MTUS2: variants seen among roughly 807,000 people sequenced by gnomAD.
The protein encoded by MTUS2 is microtubule associated scaffold protein 2.
In MTUS2, 40 loss-of-function variants were observed where a neutral mutation model predicts 114.1. The ratio of observed to expected loss-of-function variants is 0.35; its 90% CI spans 0.27 to 0.46. The LOEUF (loss-of-function observed/expected upper bound fraction) is 0.46. Ranked by LOEUF, MTUS2 falls within the 20% of genes least tolerant of loss-of-function variation. The pLI, the probability that MTUS2 is intolerant of heterozygous loss-of-function variation, is 1.00. For synonymous variants in MTUS2, 688 were observed against 672.0 expected (o/e 1.02, Z -0.37); for missense variants, 1,679 against 1,705.4 (o/e 0.98, Z 0.27).
intron 4 of MTUS2, among the ~76,000 whole-genome samples, chr13:29,065,112 G>A (rs1366026530): frequency 6.6e-6 from 1 of 152,152 alleles, no homozygotes; most frequent in African/African-American, 2.4e-5. Flanking sequence ...CTTTATGATA[G>A]AACAATTTAT....
intron 5 of MTUS2, among the ~76,000 whole-genome samples, chr13:29,221,017 A>T (rs1171331581): frequency 6.6e-6 from 1 of 152,222 alleles, no homozygotes. Context: ...CCAACAATAG[A>T]GGTGTGAATA....
At chr13:28,922,442 T>C (rs1881094867) in intron 2 of MTUS2, among the ~76,000 whole-genome samples, 1 of 152,314 alleles carries the variant, frequency 6.6e-6, no homozygotes, top group Admixed American at 6.5e-5. Flanking sequence ...TTAAGTTTAC[T>C]TAGGGTCCCA....
At chr13:28,990,678 A>G (rs1190322783) in intron 2 of MTUS2, among the ~76,000 whole-genome samples, 1 of 106,246 alleles carries the variant, frequency 9.4e-6, no homozygotes, top group Admixed American at 1.1e-4. Flanking sequence ...TGTAAAATAG[A>G]CCAATCAGCA....
At chr13:28,964,841 T>C (rs1883508696) in intron 2 of MTUS2, among the ~76,000 whole-genome samples, 1 of 151,258 alleles carries the variant, frequency 6.6e-6, no homozygotes, top group Non-Finnish European at 1.5e-5. Flanking sequence ...CGATTGCACA[T>C]TTCTGAACAG....
chr13:29,189,926 G>A (rs947435743), intron 5 of MTUS2, among the ~76,000 whole-genome samples: 1 of 152,184 alleles, frequency 6.6e-6, no homozygotes, highest in Non-Finnish European at 1.5e-5. Context: ...GCTTAAATTA[G>A]GAGATCATGA....
chr13:29,338,000 G>T (rs552837707), intron 7 of MTUS2, among the ~76,000 whole-genome samples: 7 of 148,810 alleles, frequency 4.7e-5, no homozygotes, highest in African/African-American at 1.7e-4. Context: ...ATGTTGGTTG[G>T]CCAGGATGGT....
chr13:29,444,020 G>T (rs987747281), intron 9 of MTUS2, among the ~76,000 whole-genome samples: 4 of 152,194 alleles, frequency 2.6e-5, no homozygotes, highest in Admixed American at 6.5e-5. Context: ...AAAAATTGCT[G>T]CTTAAACTGT....
intron 9 of MTUS2, among the ~76,000 whole-genome samples, chr13:29,456,304 C>T (rs1879105902): frequency 6.6e-6 from 1 of 151,998 alleles, no homozygotes; most frequent in Non-Finnish European, 1.5e-5. Context: ...ATTAGCCAAT[C>T]AGAAGAACAG....
At chr13:29,236,721 T>G (rs765848151) in intron 5 of MTUS2, among the ~76,000 whole-genome samples, 5 of 152,112 alleles carry the variant, frequency 3.3e-5, no homozygotes, top group Admixed American at 6.5e-5. Flanking sequence ...GGGTCTCCAG[T>G]GGAGGAAGAG....
chr13:28,992,375 G>A (rs2138342261), intron 2 of MTUS2, among the ~76,000 whole-genome samples: 1 of 152,322 alleles, frequency 6.6e-6, no homozygotes, highest in East Asian at 1.9e-4. Context: ...AAAGACAGCA[G>A]ATAAGAGGAC....
intron 5 of MTUS2, among the ~76,000 whole-genome samples, chr13:29,214,637 A>C (rs187159712): frequency 1.3e-5 from 2 of 152,198 alleles, no homozygotes; most frequent in East Asian, 3.9e-4. Flanking sequence ...TTGCCTGGAT[A>C]TGAAATTCTG....
intron 5 of MTUS2, among the ~76,000 whole-genome samples, chr13:29,166,205 A>G (rs562043719): frequency 6.6e-6 from 1 of 152,348 alleles, no homozygotes; most frequent in South Asian, 2.1e-4. Context: ...CTAAGATTTT[A>G]CATGTATAAT....
intron 2 of MTUS2, among the ~76,000 whole-genome samples, chr13:28,854,361 G>A (rs1876490452): frequency 6.6e-6 from 1 of 152,154 alleles, no homozygotes; most frequent in Non-Finnish European, 1.5e-5. Context: ...TACAAACTTG[G>A]CCTTGGGCAG....
intron 5 of MTUS2, among the ~76,000 whole-genome samples, chr13:29,265,623 A>G (rs1897637956): frequency 6.6e-6 from 1 of 152,226 alleles, no homozygotes; most frequent in Admixed American, 6.5e-5. Context: ...TACAGGAAGC[A>G]TGGCACCGAT....
At chr13:29,405,713 A>G (rs904456918) in intron 8 of MTUS2, among the ~76,000 whole-genome samples, 1 of 151,232 alleles carries the variant, frequency 6.6e-6, no homozygotes, top group African/African-American at 2.4e-5. Flanking sequence ...ATAAAGAATT[A>G]TATTATGACG....
At chr13:29,316,501 AC>A (rs965026119) in intron 6 of MTUS2, among the ~76,000 whole-genome samples, 1 of 152,034 alleles carries the variant, frequency 6.6e-6, no homozygotes, top group Non-Finnish European at 1.5e-5. Context: ...TCTCCCCAAC[AC>A]CCCGACTCTC....
intron 5 of MTUS2, among the ~76,000 whole-genome samples, chr13:29,206,094 A>G (rs1895173965): frequency 6.6e-6 from 1 of 152,090 alleles, no homozygotes; most frequent in African/African-American, 2.4e-5. Flanking sequence ...TTTTTTGATT[A>G]TGGCCGTTCT....
intron 4 of MTUS2, among the ~76,000 whole-genome samples, chr13:29,047,439 T>C (rs1303778713): frequency 6.6e-6 from 1 of 152,130 alleles, no homozygotes; most frequent in Non-Finnish European, 1.5e-5. Flanking sequence ...CATGTCTAAA[T>C]TGGCCTATCA....
At chr13:29,451,222 T>C (rs2138737271) in intron 9 of MTUS2, among the ~76,000 whole-genome samples, 1 of 152,120 alleles carries the variant, frequency 6.6e-6, no homozygotes, top group Non-Finnish European at 1.5e-5. Flanking sequence ...TATAAAAGAA[T>C]TCAAAGTATA....
Sources: gnomAD v4.1 joint callset for allele counts (sites outside exome capture counted in the v4.1 genomes callset) on GRCh38, gnomAD v4.1.1 for gene constraint, MANE v1.5 for transcripts, NCBI Gene and HGNC (gene_info 2026-07-23, HGNC 2026-07-21) for gene names.